The following CCSER1 variants were observed in gnomAD, a reference collection of about 807,000 sequenced individuals.
CCSER1 encodes coiled-coil serine rich protein 1, also known as serine-rich coiled-coil domain-containing protein 1.
In CCSER1, 41 loss-of-function variants were observed where a neutral mutation model predicts 82.0. The observed-to-expected ratio is 0.50, with a 90% CI of 0.39 to 0.65. The LOEUF is 0.65. CCSER1 is among the 30% of genes least tolerant of loss of function. CCSER1 has a pLI of 0.00. For missense variants in CCSER1, 1,119 were observed against 1,064.2 expected (o/e 1.05, Z -0.72); for synonymous variants, 414 against 383.9 (o/e 1.08, Z -0.92).
Position 90,934,551 on chromosome 4 carries a change from T to A in CCSER1, c.2172+11104T>A, listed in dbSNP as rs550029750. ...TAGGTGGATAAGTTAAACAATACCATGAATCAAAAATCAGACAAAATCCAA... is the reference window on the plus strand; with the variant it reads ...TAGGTGGATAAGTTAAACAATACCAAGAATCAAAAATCAGACAAAATCCAA... On this transcript the variant is annotated intron_variant, in intron 9 of 10. Coordinates refer to ENST00000509176, the MANE Select transcript of CCSER1 (RefSeq NM_001145065.2). Among the ~76,000 whole-genome samples, 4 of 152,242 alleles carry A rather than the reference T, an allele frequency of 2.6e-5. No individual in the cohort carries two copies. In the East Asian group the frequency reaches 5.8e-4, roughly 22 times the overall value.
At chr4:90,238,659 C>A (rs928240139) in intron 1 of CCSER1, among the ~76,000 whole-genome samples, 2 of 152,066 alleles carry the variant, frequency 1.3e-5, no homozygotes, top group African/African-American at 4.8e-5. Context: ...ACCCCCTCAA[C>A]TCGTGCGCAC....
chr4:91,409,246 A>G (rs1357484996), intron 10 of CCSER1, among the ~76,000 whole-genome samples: 1 of 152,206 alleles, frequency 6.6e-6, no homozygotes, highest in East Asian at 1.9e-4. Context: ...TTTTTGATGC[A>G]GACATTTATT....
intron 10 of CCSER1, among the ~76,000 whole-genome samples, chr4:91,137,272 T>C (rs1243853150): frequency 1.0e-5 from 1 of 99,200 alleles, no homozygotes; most frequent in African/African-American, 3.4e-5. Flanking sequence ...TTTGGTTTTT[T>C]GTTCTTGCGA....
intron 1 of CCSER1, among the ~76,000 whole-genome samples, chr4:90,218,805 G>A (rs1406192394): frequency 1.3e-5 from 2 of 152,076 alleles, no homozygotes; most frequent in African/African-American, 4.8e-5. Context: ...AGAATAGTTA[G>A]GACCAGGAGT....
At chr4:91,156,995 T>C (rs1730886484) in intron 10 of CCSER1, among the ~76,000 whole-genome samples, 1 of 152,014 alleles carries the variant, frequency 6.6e-6, no homozygotes. Context: ...GTCAATTTAC[T>C]CTTCAATCTC....
chr4:90,728,568 C>G (rs1198173577), intron 7 of CCSER1, among the ~76,000 whole-genome samples: 1 of 152,096 alleles, frequency 6.6e-6, no homozygotes, highest in African/African-American at 2.4e-5. Flanking sequence ...GGTGTAGTGG[C>G]TCACCCCTCT....
chr4:90,583,962 A>G (rs932921024), intron 5 of CCSER1, among the ~76,000 whole-genome samples: 1 of 152,134 alleles, frequency 6.6e-6, no homozygotes, highest in African/African-American at 2.4e-5. Context: ...TAAAAGGTAC[A>G]ATTTAAAAGA....
At chr4:91,565,728 G>C (rs1762858040) in intron 10 of CCSER1, among the ~76,000 whole-genome samples, 1 of 152,056 alleles carries the variant, frequency 6.6e-6, no homozygotes, top group African/African-American at 2.4e-5. Flanking sequence ...CAAAATGCTA[G>C]TGAGGCTGTA....
intron 10 of CCSER1, among the ~76,000 whole-genome samples, chr4:91,238,934 C>T (rs909454962): frequency 2.0e-5 from 3 of 152,024 alleles, no homozygotes; most frequent in Admixed American, 6.6e-5. Context: ...AGCAATTCTC[C>T]TGCCTCAGCC....
chr4:90,529,833 C>T (rs1774269530), intron 5 of CCSER1, among the ~76,000 whole-genome samples: 1 of 151,870 alleles, frequency 6.6e-6, no homozygotes, highest in Admixed American at 6.6e-5. Context: ...GCCCACCTTT[C>T]TTTTAGGGAA....
chr4:91,075,401 C>A (rs919771711), intron 9 of CCSER1, among the ~76,000 whole-genome samples: 7 of 152,070 alleles, frequency 4.6e-5, no homozygotes, highest in South Asian at 4.2e-4. Flanking sequence ...CCAACCACAT[C>A]CCCCAGAGTA....
intron 5 of CCSER1, among the ~76,000 whole-genome samples, chr4:90,537,823 T>A (rs1314449579): frequency 6.6e-6 from 1 of 152,172 alleles, no homozygotes; most frequent in African/African-American, 2.4e-5. Context: ...AAAGGATTGT[T>A]AACCCTCCAG....
At chr4:90,716,843 T>C (rs1247557665) in intron 6 of CCSER1, among the ~76,000 whole-genome samples, 1 of 152,164 alleles carries the variant, frequency 6.6e-6, no homozygotes, top group African/African-American at 2.4e-5. Context: ...AACACATGTC[T>C]ATATGAGACA....
At chr4:90,729,601 C>T (rs574218869) in intron 7 of CCSER1, among the ~76,000 whole-genome samples, 5 of 152,176 alleles carry the variant, frequency 3.3e-5, no homozygotes, top group African/African-American at 7.2e-5. Context: ...ATTGGCCGGG[C>T]GCAGTGGCTC....
chr4:90,730,670 A>G (rs1444914968), intron 7 of CCSER1, among the ~76,000 whole-genome samples: 1 of 152,220 alleles, frequency 6.6e-6, no homozygotes, highest in Non-Finnish European at 1.5e-5. Context: ...TGGTGTTTCA[A>G]AAAGGATGGC....
chr4:90,484,932 G>T (rs1560592565), intron 5 of CCSER1, among the ~76,000 whole-genome samples: 1 of 152,210 alleles, frequency 6.6e-6, no homozygotes, highest in Admixed American at 6.5e-5. Context: ...AGTCTGCAGA[G>T]GTTATTGCTG....
chr4:91,137,400 C>T (rs1199025647), intron 10 of CCSER1, among the ~76,000 whole-genome samples: 12 of 65,840 alleles, frequency 1.8e-4, no homozygotes, highest in Admixed American at 3.5e-4. Context: ...TTTTCTTAAT[C>T]CAGTCTATCA....
chr4:90,190,816 A>T (rs553042688), intron 1 of CCSER1, among the ~76,000 whole-genome samples: 19 of 152,096 alleles, frequency 1.2e-4, no homozygotes, highest in Non-Finnish European at 2.4e-4. Context: ...ATTGGCACCA[A>T]GGTTTTCTTC....
At chr4:90,333,696 A>G (rs1370525377) in intron 3 of CCSER1, among the ~76,000 whole-genome samples, 1 of 152,174 alleles carries the variant, frequency 6.6e-6, no homozygotes, top group African/African-American at 2.4e-5. Flanking sequence ...TTTTACAAAT[A>G]TAGATTGGAC....
Sources: gnomAD v4.1 joint callset for allele counts (sites outside exome capture counted in the v4.1 genomes callset) on GRCh38, gnomAD v4.1.1 for gene constraint, MANE v1.5 for transcripts, NCBI Gene and HGNC (gene_info 2026-07-23, HGNC 2026-07-21) for gene names.